KCNH7: variants seen among roughly 807,000 people sequenced by gnomAD.
KCNH7 encodes the protein voltage-gated inwardly rectifying potassium channel KCNH7.
Under a neutral mutation model 120.8 loss-of-function variants are expected in KCNH7, and 49 were observed. The observed-to-expected ratio is 0.41, with a 90% CI of 0.32 to 0.51. KCNH7 has a LOEUF of 0.51. KCNH7 is among the 20% of genes least tolerant of loss of function. KCNH7 has a pLI of 0.38. For missense variants in KCNH7, 1,097 were observed against 1,446.6 expected (o/e 0.76, Z 3.92); for synonymous variants, 547 against 516.1 (o/e 1.06, Z -0.81).
chr2:162,469,625 T>A (rs1449682800), intron 6 of KCNH7, among the ~76,000 whole-genome samples: 1 of 152,180 alleles, frequency 6.6e-6, no homozygotes, highest in Non-Finnish European at 1.5e-5. Context: ...TCGAGCCTTT[T>A]TTATGCATAA....
intron 9 of KCNH7, among the ~76,000 whole-genome samples, chr2:162,415,564 A>T (rs150820890): frequency 2.6e-5 from 4 of 152,152 alleles, no homozygotes; most frequent in African/African-American, 7.2e-5. Context: ...ATTTGAAAAA[A>T]GTTAGGTCTT....
intron 2 of KCNH7, among the ~76,000 whole-genome samples, chr2:162,762,553 G>T (rs1689003121): frequency 6.6e-6 from 1 of 151,970 alleles, no homozygotes; most frequent in Non-Finnish European, 1.5e-5. Flanking sequence ...GTGACTGGGG[G>T]TGTTCCTCTC....
At chr2:162,391,686 T>C (rs1686749698) in intron 12 of KCNH7, among the ~76,000 whole-genome samples, 1 of 152,080 alleles carries the variant, frequency 6.6e-6, no homozygotes, top group Admixed American at 6.6e-5. Context: ...CTCAGGGCCT[T>C]ATCAGGCGAT....
At chr2:162,809,401 T>C (rs1684654818) in intron 2 of KCNH7, among the ~76,000 whole-genome samples, 1 of 152,202 alleles carries the variant, frequency 6.6e-6, no homozygotes, top group Non-Finnish European at 1.5e-5. Flanking sequence ...GCAACACTAA[T>C]AAATATCAGA....
chr2:162,835,397 T>C (rs1350934582), intron 2 of KCNH7, among the ~76,000 whole-genome samples: 3 of 152,004 alleles, frequency 2.0e-5, no homozygotes, highest in African/African-American at 7.2e-5. Flanking sequence ...TACCAAATGA[T>C]GAGTCATTAT....
intron 2 of KCNH7, among the ~76,000 whole-genome samples, chr2:162,573,565 T>G (rs1037750064): frequency 1.3e-5 from 2 of 152,020 alleles, no homozygotes; most frequent in African/African-American, 4.8e-5. Context: ...TCATAAGATA[T>G]GTATTATTTT....
At chr2:162,528,334 T>C (rs1034747967) in intron 3 of KCNH7, 4 of 151,996 alleles carry the variant, frequency 2.6e-5, no homozygotes, top group African/African-American at 9.7e-5. Context: ...CCTGGCCTTC[T>C]TCATTCATGT....
intron 2 of KCNH7, among the ~76,000 whole-genome samples, chr2:162,707,969 G>A (rs988038824): frequency 1.3e-5 from 2 of 150,928 alleles, no homozygotes; most frequent in Non-Finnish European, 3.0e-5. Context: ...CTCCCTCTCT[G>A]ATCTTCTTAA....
chr2:162,648,774 C>G (rs79881448), intron 2 of KCNH7, among the ~76,000 whole-genome samples: 5 of 151,992 alleles, frequency 3.3e-5, no homozygotes, highest in African/African-American at 1.2e-4. Flanking sequence ...TACCACCCCC[C>G]CAAAAAAATT....
chr2:162,467,507 A>G (rs1689348264), intron 6 of KCNH7, among the ~76,000 whole-genome samples: 1 of 152,150 alleles, frequency 6.6e-6, no homozygotes, highest in Non-Finnish European at 1.5e-5. Context: ...TCTTGCCTGT[A>G]CAAACCGGGC....
intron 2 of KCNH7, among the ~76,000 whole-genome samples, chr2:162,588,069 C>A (rs925220103): frequency 6.6e-6 from 1 of 152,074 alleles, no homozygotes; most frequent in South Asian, 2.1e-4. Flanking sequence ...TTCCTCCCAT[C>A]GCTCCTGCAC....
chr2:162,519,764 T>C (rs1335474440), intron 3 of KCNH7, among the ~76,000 whole-genome samples: 1 of 151,816 alleles, frequency 6.6e-6, no homozygotes, highest in East Asian at 1.9e-4. Context: ...ACTGACCTTA[T>C]GGTCAGTCAA....
rs571514708 is a variant in KCNH7 at position 162,735,308 on chromosome 2, C to T, written c.307+101229G>A. Among the ~76,000 whole-genome samples the T allele has an allele frequency of 3.3e-5, 5 of 152,224 alleles. No homozygotes were observed. In the East Asian group the frequency reaches 5.8e-4, roughly 18 times the overall value. On this transcript the variant is annotated intron_variant, in intron 2 of 15. Coordinates refer to ENST00000332142, the MANE Select transcript of KCNH7 (RefSeq NM_033272.4). ...AAGGAAATTGAACCCTCTCCTTGTTCGGAGAGTGAAGCCACATTCACATGA... is the reference window on the plus strand; with the variant it reads ...AAGGAAATTGAACCCTCTCCTTGTTTGGAGAGTGAAGCCACATTCACATGA...
intron 6 of KCNH7, among the ~76,000 whole-genome samples, chr2:162,473,185 C>T (rs193016272): frequency 0.014 from 2,100 of 150,952 alleles, 131 homozygotes; most frequent in Admixed American, 0.12. Flanking sequence ...CAAACCGGCA[C>T]GTTGTGCACA....
chr2:162,670,909 TAA>T (rs1035578610), intron 2 of KCNH7, among the ~76,000 whole-genome samples: 13 of 151,354 alleles, frequency 8.6e-5, no homozygotes, highest in African/African-American at 3.2e-4. Flanking sequence ...CAAGTTAAAG[TAA>T]AAGAGTATAC....
At chr2:162,692,143 C>G (rs1023216198) in intron 2 of KCNH7, among the ~76,000 whole-genome samples, 1 of 147,028 alleles carries the variant, frequency 6.8e-6, no homozygotes, top group African/African-American at 2.5e-5. Flanking sequence ...TTTTTTGGAG[C>G]TAGAGTCTGG....
chr2:162,521,186 G>A (rs1045873457), intron 3 of KCNH7, among the ~76,000 whole-genome samples: 1 of 151,828 alleles, frequency 6.6e-6, no homozygotes, highest in Non-Finnish European at 1.5e-5. Flanking sequence ...AGAAGGGCAG[G>A]GCCCCAGGCT....
chr2:162,534,783 C>T (rs2105821204), intron 3 of KCNH7, among the ~76,000 whole-genome samples: 1 of 151,690 alleles, frequency 6.6e-6, no homozygotes, highest in East Asian at 1.9e-4. Context: ...ATACCAACAC[C>T]TTAGAAAATT....
At chr2:162,739,254 G>A (rs766992052) in intron 2 of KCNH7, among the ~76,000 whole-genome samples, 3 of 151,992 alleles carry the variant, frequency 2.0e-5, no homozygotes, top group Non-Finnish European at 2.9e-5. Flanking sequence ...ATTCACCCTA[G>A]TCTTGAGGGC....
Sources: gnomAD v4.1 joint callset for allele counts (sites outside exome capture counted in the v4.1 genomes callset) on GRCh38, gnomAD v4.1.1 for gene constraint, MANE v1.5 for transcripts, NCBI Gene and HGNC (gene_info 2026-07-23, HGNC 2026-07-21) for gene names.